EML6: variants seen among roughly 807,000 people sequenced by gnomAD.
The protein encoded by EML6 is echinoderm microtubule-associated protein-like 6.
Under a neutral mutation model 240.1 loss-of-function variants are expected in EML6, and 154 were observed. That is an observed-to-expected ratio of 0.64 (90% CI 0.56 to 0.73). The LOEUF (loss-of-function observed/expected upper bound fraction) is 0.73. Among genes scored for constraint, EML6 ranks in the 30% least tolerant of loss-of-function variants. The pLI, the probability that EML6 is intolerant of heterozygous loss-of-function variation, is 0.00. For missense variants in EML6, 2,964 were observed against 2,474.6 expected (o/e 1.20, Z -4.20); for synonymous variants, 1,148 against 899.0 (o/e 1.28, Z -4.95).
chr2:54,730,828 C>T (rs2104374075), intron 2 of EML6, among the ~76,000 whole-genome samples: 1 of 152,308 alleles, frequency 6.6e-6, no homozygotes, highest in South Asian at 2.1e-4. Flanking sequence ...ATCAAAAACT[C>T]ATTTTACATC....
intron 32 of EML6, among the ~76,000 whole-genome samples, chr2:54,957,342 G>A (rs1311332461): frequency 7.0e-5 from 9 of 127,822 alleles, no homozygotes. Context: ...AGAAAATGCA[G>A]GAGAATCTTA....
rs1447549697 is a variant in EML6, at chr2:54,863,884, C to G, written c.1927C>G (p.Arg643Gly). The G allele has an allele frequency of 2.0e-6, 3 of 1,531,896 alleles. No individual in the cohort carries two copies. Among genetic ancestry groups the G allele is most frequent in the Non-Finnish European group, 2.6e-6 (3 of 1,133,266 alleles). 94.9% of individuals were successfully genotyped at this position (1,531,896 alleles called of 1,614,324 possible). Residue 643 changes from arginine to glycine, a missense_variant, in exon 13 of 42, where the codon CGC (arginine) becomes GGC (glycine). By Grantham distance (125) the Arg-to-Gly change is moderately radical (BLOSUM62 -2). Coordinates refer to ENST00000356458, the MANE Select transcript of EML6 (RefSeq NM_001039753.4). ...IEQEAQINYD[R>G]QVYKEDLPQL... Reference sequence around the variant, plus strand: ...GCAAGAAGCTCAAATCAATTATGATCGCCAGGTCGGTAAGCAGGGAGCAAT... The same window carrying G: ...GCAAGAAGCTCAAATCAATTATGATGGCCAGGTCGGTAAGCAGGGAGCAAT...
At chr2:54,776,429 C>T (rs754294922) in intron 2 of EML6, among the ~76,000 whole-genome samples, 10 of 152,036 alleles carry the variant, frequency 6.6e-5, no homozygotes, top group Non-Finnish European at 1.5e-4. Flanking sequence ...TTTCTTGAGT[C>T]AGTTTTTATA....
At chr2:54,930,470 A>G (rs1466608016) in intron 28 of EML6, among the ~76,000 whole-genome samples, 4 of 152,100 alleles carry the variant, frequency 2.6e-5, no homozygotes, top group African/African-American at 7.2e-5. Flanking sequence ...TTATCAAGCT[A>G]TACCCCATCA....
chr2:54,771,951 T>G (rs1668417024), intron 2 of EML6, among the ~76,000 whole-genome samples: 1 of 152,216 alleles, frequency 6.6e-6, no homozygotes, highest in Non-Finnish European at 1.5e-5. Flanking sequence ...TAGGACCCTG[T>G]AGGCTATACA....
chr2:54,793,600 G>A (rs1462021377), intron 2 of EML6, among the ~76,000 whole-genome samples: 1 of 152,174 alleles, frequency 6.6e-6, no homozygotes, highest in East Asian at 1.9e-4. Context: ...GAGACTGCCA[G>A]TTGCCTACCA....
chr2:54,937,912 C>T (rs1675233114), intron 28 of EML6, among the ~76,000 whole-genome samples: 1 of 152,198 alleles, frequency 6.6e-6, no homozygotes, highest in Non-Finnish European at 1.5e-5. Context: ...CAAAACTTGG[C>T]TCCCCTTGGA....
At chr2:54,915,399 A>T (rs1673858970) in intron 25 of EML6, among the ~76,000 whole-genome samples, 1 of 152,098 alleles carries the variant, frequency 6.6e-6, no homozygotes, top group Non-Finnish European at 1.5e-5. Context: ...GGCCAAAAGC[A>T]TGCTTCCAGA....
chr2:54,744,296 A>G (rs748295189), intron 2 of EML6, among the ~76,000 whole-genome samples: 6 of 152,172 alleles, frequency 3.9e-5, no homozygotes, highest in Non-Finnish European at 5.9e-5. Context: ...GAGCTGGCTG[A>G]GTGCCTAAGG....
chr2:54,878,103 G>A (rs552318555), intron 16 of EML6, among the ~76,000 whole-genome samples: 1 of 152,280 alleles, frequency 6.6e-6, no homozygotes, highest in African/African-American at 2.4e-5. Flanking sequence ...GGATAAATAT[G>A]TAATATACAT....
intron 2 of EML6, among the ~76,000 whole-genome samples, chr2:54,795,562 C>G (rs968123209): frequency 5.3e-5 from 8 of 152,176 alleles, no homozygotes; most frequent in Non-Finnish European, 8.8e-5. Context: ...ATTTAAAAAG[C>G]ATGGTGTAGC....
intron 2 of EML6, among the ~76,000 whole-genome samples, chr2:54,791,329 A>T (rs186188000): frequency 2.6e-4 from 39 of 152,256 alleles, no homozygotes; most frequent in Non-Finnish European, 5.1e-4. Flanking sequence ...ATTTATTGGG[A>T]AGGTGCCTAC....
chr2:54,821,737 AG>A (rs1668344281), intron 5 of EML6, among the ~76,000 whole-genome samples: 1 of 152,158 alleles, frequency 6.6e-6, no homozygotes, highest in South Asian at 2.1e-4. Flanking sequence ...AGAGTATAAT[AG>A]CATCTCTAAC....
At chr2:54,811,572 G>C (rs1489469043) in intron 2 of EML6, among the ~76,000 whole-genome samples, 1 of 149,080 alleles carries the variant, frequency 6.7e-6, no homozygotes, top group Non-Finnish European at 1.5e-5. Context: ...CTCCTTCAAA[G>C]ATAGCAGTGT....
intron 9 of EML6, 134 bp downstream of exon 9, chr2:54,847,757 GATCCCC>G: frequency 1.2e-6 from 1 of 811,768 alleles, no homozygotes. Flanking sequence ...ATAGATCTAC[GATCCCC>G]TATCTGTAAT....
intron 28 of EML6, among the ~76,000 whole-genome samples, chr2:54,942,382 G>T (rs1285386528): frequency 6.6e-6 from 1 of 152,156 alleles, no homozygotes; most frequent in Non-Finnish European, 1.5e-5. Flanking sequence ...CGAAGACTGT[G>T]GCAGAGTTGG....
chr2:54,899,353 C>G (rs769678108), intron 21 of EML6, among the ~76,000 whole-genome samples: 18 of 152,130 alleles, frequency 1.2e-4, no homozygotes, highest in Non-Finnish European at 2.1e-4. Context: ...CTGGATGTTT[C>G]TAAATGGAAA....
intron 17 of EML6, among the ~76,000 whole-genome samples, chr2:54,888,164 G>A (rs181735318): frequency 1.3e-5 from 2 of 152,204 alleles, no homozygotes; most frequent in Admixed American, 1.3e-4. Flanking sequence ...GCTGGGGGCT[G>A]GGGCAGGATT....
chr2:54,775,803 A>G (rs1320783930), intron 2 of EML6, among the ~76,000 whole-genome samples: 1 of 152,184 alleles, frequency 6.6e-6, no homozygotes, highest in Non-Finnish European at 1.5e-5. Flanking sequence ...TATATAGTCT[A>G]CAACTAAAAC....
Sources: allele counts gnomAD v4.1 joint callset (sites outside exome capture counted in the v4.1 genomes callset), GRCh38; gene constraint gnomAD v4.1.1; transcripts MANE v1.5; gene names NCBI Gene and HGNC (gene_info 2026-07-23, HGNC 2026-07-21).